TNRC6B: variants seen among roughly 807,000 people sequenced by gnomAD.
The protein encoded by TNRC6B is trinucleotide repeat-containing gene 6B protein.
A neutral mutation model predicts 203.6 loss-of-function variants in TNRC6B; 52 were observed. That is an observed-to-expected ratio of 0.26 (90% CI 0.20 to 0.32). The LOEUF (loss-of-function observed/expected upper bound fraction) is 0.32. Among genes scored for constraint, TNRC6B ranks in the 10% least tolerant of loss-of-function variants. TNRC6B has a pLI of 1.00. For missense variants in TNRC6B, 1,923 were observed against 2,286.2 expected, an observed-to-expected ratio of 0.84 and a Z score of 3.24; for synonymous variants, 838 against 845.7, an observed-to-expected ratio of 0.99 and a Z score of 0.16.
chr22:40,280,432 C>T (rs907360222), intron 10 of TNRC6B, among the ~76,000 whole-genome samples: 4 of 152,110 alleles, frequency 2.6e-5, no homozygotes, highest in East Asian at 1.9e-4. Flanking sequence ...TTCTTTTTTC[C>T]GCTGCTGTGC....
At position 40,330,807 on chromosome 22, in the gene TNRC6B, G is replaced by T. The variant is rs2071457346; in HGVS notation, c.*7566G>T. The T allele has an allele frequency of 6.6e-6, 1 of 152,662 alleles. No homozygotes were observed. The allele number at this position is 152,662 out of a possible 1,614,324, so 9.5% of individuals were successfully genotyped here. ...CAGACGGTCAGCTTTAGTCATTAGG[G>T]AAGTCAAAGTTCCTCCTGGAAGTCC... On this transcript the variant is annotated 3_prime_UTR_variant, in exon 23 of 23. Coordinates refer to ENST00000454349, the MANE Select transcript of TNRC6B (RefSeq NM_001162501.2).
intron 2 of TNRC6B, chr22:40,125,706 A>G: frequency 2.6e-6 from 3 of 1,151,166 alleles, no homozygotes; most frequent in Non-Finnish European, 3.6e-6. Flanking sequence ...TTCAGTCTAA[A>G]CCTTTGAAAA....
intron 4 of TNRC6B, among the ~76,000 whole-genome samples, chr22:40,162,725 T>C (rs1482271468): frequency 6.6e-6 from 1 of 152,212 alleles, no homozygotes; most frequent in Admixed American, 6.5e-5. Context: ...AGTTGAACTC[T>C]CTGTAAACTC....
intron 3 of TNRC6B, among the ~76,000 whole-genome samples, chr22:40,153,869 T>A (rs1431808911): frequency 6.6e-6 from 1 of 150,986 alleles, no homozygotes; most frequent in Admixed American, 6.6e-5. Flanking sequence ...TTTTAATTTT[T>A]AAATAAAATT....
intron 1 of TNRC6B, among the ~76,000 whole-genome samples, chr22:40,113,650 C>T (rs569056777): frequency 3.0e-4 from 46 of 152,360 alleles, no homozygotes; most frequent in Admixed American, 2.7e-3. Flanking sequence ...AGCCACCACA[C>T]GTGGCCTCCT....
At chr22:40,301,791 C>G (rs2071027170) in intron 15 of TNRC6B, among the ~76,000 whole-genome samples, 1 of 152,160 alleles carries the variant, frequency 6.6e-6, no homozygotes, top group Non-Finnish European at 1.5e-5. Flanking sequence ...ATCCCCTAAT[C>G]TAAAAATCCA....
At chr22:40,249,728 G>A (rs972750219) in intron 2 of TNRC6B, among the ~76,000 whole-genome samples, 24 of 152,284 alleles carry the variant, frequency 1.6e-4, no homozygotes, top group South Asian at 4.2e-4. Context: ...AATTGCCTTC[G>A]GGAATTGGTA....
chr22:40,167,617 G>A (rs375709909), intron 4 of TNRC6B, among the ~76,000 whole-genome samples: 10 of 149,438 alleles, frequency 6.7e-5, no homozygotes, highest in Non-Finnish European at 8.9e-5. Context: ...ACCAGGTGCC[G>A]TGGCTCAATC....
chr22:40,237,003 A>G (rs1322905837), intron 1 of TNRC6B, among the ~76,000 whole-genome samples: 2 of 152,064 alleles, frequency 1.3e-5, no homozygotes, highest in South Asian at 2.1e-4. Flanking sequence ...CATCTCTACT[A>G]AAAATACAAA....
intron 9 of TNRC6B, among the ~76,000 whole-genome samples, chr22:40,279,040 C>T (rs1411071092): frequency 6.6e-6 from 1 of 152,156 alleles, no homozygotes; most frequent in Non-Finnish European, 1.5e-5. Flanking sequence ...TGTGCCCAGC[C>T]CTGATTTTTA....
intron 4 of TNRC6B, among the ~76,000 whole-genome samples, chr22:40,171,066 C>A (rs1476472548): frequency 2.1e-5 from 3 of 144,574 alleles, no homozygotes; most frequent in Non-Finnish European, 1.5e-5. Context: ...ATACATGTAT[C>A]TATATATGTA....
intron 1 of TNRC6B, among the ~76,000 whole-genome samples, chr22:40,113,788 TC>T (rs1422567198): frequency 6.6e-6 from 1 of 152,098 alleles, no homozygotes; most frequent in Non-Finnish European, 1.5e-5. Flanking sequence ...TCTCCTGGCA[TC>T]CCCCCTTGCT....
chr22:40,292,656 G>A (rs948315740), intron 12 of TNRC6B, among the ~76,000 whole-genome samples: 2 of 152,232 alleles, frequency 1.3e-5, no homozygotes, highest in South Asian at 2.1e-4. Context: ...CTGCACCACC[G>A]TGATTCCTCT....
At chr22:40,149,539 A>G (rs1182436498) in intron 3 of TNRC6B, among the ~76,000 whole-genome samples, 1 of 152,006 alleles carries the variant, frequency 6.6e-6, no homozygotes, top group Non-Finnish European at 1.5e-5. Flanking sequence ...GCGTGGTGGC[A>G]CACACCTGTA....
intron 5 of TNRC6B, among the ~76,000 whole-genome samples, chr22:40,269,323 G>C (rs1451902366): frequency 6.6e-6 from 1 of 151,582 alleles, no homozygotes; most frequent in Admixed American, 6.6e-5. Context: ...TGCTGGAGAT[G>C]GGGTTTTGCC....
chr22:40,229,716 G>A (rs1437931332), intron 1 of TNRC6B, among the ~76,000 whole-genome samples: 1 of 151,958 alleles, frequency 6.6e-6, no homozygotes, highest in Non-Finnish European at 1.5e-5. Context: ...TGTTCAGTAG[G>A]TACTCTTTTT....
intron 1 of TNRC6B, among the ~76,000 whole-genome samples, chr22:40,054,520 C>G (rs549559828): frequency 6.6e-6 from 1 of 152,290 alleles, no homozygotes; most frequent in South Asian, 2.1e-4. Context: ...TCTTTAATGA[C>G]TTCCTAATCA....
At chr22:40,218,363 G>T in intron 1 of TNRC6B, among the ~76,000 whole-genome samples, 2 of 108,534 alleles carry the variant, frequency 1.8e-5, no homozygotes, top group Admixed American at 1.5e-4. Flanking sequence ...GTGTTACTCT[G>T]TCACTCAGGC....
At chr22:40,140,343 T>C (rs1443664411) in intron 3 of TNRC6B, among the ~76,000 whole-genome samples, 1 of 152,240 alleles carries the variant, frequency 6.6e-6, no homozygotes, top group Admixed American at 6.5e-5. Context: ...CAAAGAGATG[T>C]AAGCAGGATG....
Sources: allele counts gnomAD v4.1 joint callset (sites outside exome capture counted in the v4.1 genomes callset), GRCh38; gene constraint gnomAD v4.1.1; transcripts MANE v1.5; gene names NCBI Gene and HGNC (gene_info 2026-07-23, HGNC 2026-07-21).